The following PPCS variants were observed in gnomAD, a reference collection of about 807,000 sequenced individuals.
The protein encoded by PPCS is phosphopantothenate--cysteine ligase.
A neutral mutation model predicts 24.6 loss-of-function variants in PPCS; 17 were observed. The observed-to-expected ratio is 0.69, with a 90% confidence interval of 0.47 to 1.04. The LOEUF is 1.04. Among genes scored for constraint, PPCS ranks in the 50% least tolerant of loss-of-function variants. The pLI is 0.00. For missense variants in PPCS, 360 were observed against 402.8 expected, an observed-to-expected ratio of 0.89 and a Z score of 0.91; for synonymous variants, 190 against 168.3, an observed-to-expected ratio of 1.13 and a Z score of -1.00.
chr1:42,471,566 T>C (rs1223467320), intron 2 of PPCS, among the ~76,000 whole-genome samples: 3 of 152,214 alleles, frequency 2.0e-5, no homozygotes, highest in African/African-American at 7.2e-5. Context: ...GGATGCTATG[T>C]ATTCTTAGTA....
chr1:42,467,501 T>G (rs978476113), intron 2 of PPCS, among the ~76,000 whole-genome samples: 2 of 152,208 alleles, frequency 1.3e-5, no homozygotes, highest in Non-Finnish European at 2.9e-5. Flanking sequence ...CCTGGGTTTC[T>G]GGCTTGGGAA....
At position 42,460,714 on chromosome 1, in the gene PPCS, C is replaced by G. The variant is rs1643387816; in HGVS notation, c.*788C>G. ...AAGTCAACTTAGCCAGCTGTGCCAC[C>G]TATTAGCTTTATAAACTTAGGCATT... On this transcript the variant is annotated 3_prime_UTR_variant, in exon 3 of 3. Coordinates refer to ENST00000372561, the MANE Select transcript of PPCS (RefSeq NM_024664.4). Among the ~76,000 whole-genome samples the G allele has an allele frequency of 6.6e-6, 1 of 152,194 alleles. No individual in the cohort carries two copies. Among genetic ancestry groups the G allele is most frequent in the Admixed American group, 6.5e-5 (1 of 15,278 alleles).
chr1:42,467,189 A>G (rs1643617950), intron 2 of PPCS, among the ~76,000 whole-genome samples: 1 of 152,242 alleles, frequency 6.6e-6, no homozygotes, highest in Non-Finnish European at 1.5e-5. Flanking sequence ...TCTGGTCCCA[A>G]GCTAAAGGGT....
At chr1:42,465,427 C>T (rs550226247), downstream of PPCS, among the ~76,000 whole-genome samples, 15 of 152,252 alleles carry the variant, frequency 9.9e-5, no homozygotes, top group Non-Finnish European at 1.6e-4. Context: ...TGCAATGGCG[C>T]GATCTTGGCC....
intron 2 of PPCS, among the ~76,000 whole-genome samples, chr1:42,466,325 C>G (rs1643580755): frequency 6.6e-6 from 1 of 152,108 alleles, no homozygotes; most frequent in East Asian, 1.9e-4. Flanking sequence ...GAGTACCTAC[C>G]AGGAGAAAAA....
rs1173618963 is a variant in PPCS, at chr1:42,460,625, G to T, written c.*699G>T. Among the ~76,000 whole-genome samples the T allele has an allele frequency of 6.6e-6, 1 of 152,164 alleles. No homozygotes were observed. The highest frequency in any genetic ancestry group is 1.5e-5 in the Non-Finnish European group (1 of 68,036). On this transcript the variant is annotated 3_prime_UTR_variant, in exon 3 of 3. Coordinates refer to ENST00000372561, the MANE Select transcript of PPCS (RefSeq NM_024664.4). Reference sequence around the variant, plus strand: ...AATATGTCCTTCCACCTGGGACCAGGCAGGGGCCACTTGGTGATCTCTGTC... The same window carrying T: ...AATATGTCCTTCCACCTGGGACCAGTCAGGGGCCACTTGGTGATCTCTGTC...
rs1322201831 is a variant in PPCS at position 42,457,360 on chromosome 1, G to C, written c.612+10G>C. On this transcript the variant is annotated intron_variant, in intron 2 of 2. Coordinates refer to ENST00000372561, the MANE Select transcript of PPCS (RefSeq NM_024664.4). ...TGGGGGCCCACTGCAGGTGATGGGCGCTTCTCTTCCAGAGATCTAATCCCA... is the reference window on the plus strand; with the variant it reads ...TGGGGGCCCACTGCAGGTGATGGGCCCTTCTCTTCCAGAGATCTAATCCCA... 11 of 1,605,928 alleles carry C rather than the reference G, an allele frequency of 6.8e-6. No homozygotes were observed. The highest frequency in any genetic ancestry group is 9.4e-6 in the Non-Finnish European group (11 of 1,172,720).
chr1:42,472,355 A>C (rs76351992), intron 2 of PPCS, among the ~76,000 whole-genome samples: 1 of 152,228 alleles, frequency 6.6e-6, no homozygotes, highest in Non-Finnish European at 1.5e-5. Context: ...CTGTTATGTC[A>C]TGATTACTTG....
downstream of PPCS, among the ~76,000 whole-genome samples, chr1:42,461,781 G>A (rs544260350): frequency 4.2e-4 from 64 of 152,086 alleles, 1 homozygote; most frequent in African/African-American, 1.5e-3. Flanking sequence ...TCCTGACCTC[G>A]TGATCTGCCC....
chr1:42,456,915 GC>G lies in PPCS; in HGVS notation c.352del (p.Leu118TrpfsTer15). ...GGCCCAGCCCTTTCGGGCTTGCTGA[GC>G]CTGGAGGCCGAGGAGAATGCACTTC... Reference protein sequence around the residue: ...PSGPALSGLLSLEAEENALPG... With the variant: ...PSGPALSGLLXLEAEENALPG... On this transcript the variant is annotated frameshift_variant, in exon 1 of 3. Coordinates refer to ENST00000372561, the MANE Select transcript of PPCS (RefSeq NM_024664.4). LOFTEE classifies it high-confidence loss of function. The G allele has an allele frequency of 6.2e-7, 1 of 1,610,594 alleles. No homozygotes were observed. The highest frequency in any genetic ancestry group is 8.5e-7 in the Non-Finnish European group (1 of 1,180,014).
In PPCS at chr1:42,456,640, C is replaced by T. The variant is rs1557775072; in HGVS notation, c.75C>T (p.Arg25=). The change falls in exon 1 of 3, where the codon CGC becomes CGT. Residue 25 remains arginine (R), a synonymous_variant. Coordinates refer to ENST00000372561, the MANE Select transcript of PPCS (RefSeq NM_024664.4). ...GAARWAEVMA[R]FAARLGAQGR... ...CGCGCTGGGCTGAGGTTATGGCTCGCTTCGCGGCCAGGCTGGGCGCGCAGG... is the reference window on the plus strand; with the variant it reads ...CGCGCTGGGCTGAGGTTATGGCTCGTTTCGCGGCCAGGCTGGGCGCGCAGG... 5.1e-6 allele frequency: 8 copies of T among 1,576,848 alleles called. No individual in the cohort carries two copies. The highest frequency in any genetic ancestry group is 6.9e-6 in the Non-Finnish European group (8 of 1,165,226).
chr1:42,462,299 T>C (rs1262629103), downstream of PPCS, among the ~76,000 whole-genome samples: 2 of 152,116 alleles, frequency 1.3e-5, no homozygotes, highest in African/African-American at 4.8e-5. Flanking sequence ...TGAGGGTAAC[T>C]AAGAACCTGA....
intron 2 of PPCS, among the ~76,000 whole-genome samples, chr1:42,471,453 C>G (rs1643768681): frequency 6.6e-6 from 1 of 152,156 alleles, no homozygotes; most frequent in African/African-American, 2.4e-5. Context: ...CTTTGTGTGT[C>G]TGGTGTTTAC....
At chr1:42,456,456 G>A (rs1643183025), upstream of PPCS, 3 of 1,155,406 alleles carry the variant, frequency 2.6e-6, no homozygotes, top group Non-Finnish European at 3.5e-6. Flanking sequence ...GTCAAAAGAA[G>A]GGTAGTGAAC....
chr1:42,466,023 A>G (rs1199378391), downstream of PPCS, among the ~76,000 whole-genome samples: 2 of 152,202 alleles, frequency 1.3e-5, no homozygotes, highest in East Asian at 3.8e-4. Context: ...TCAACTTTTG[A>G]AAAAAGTATA....
At position 42,460,168 on chromosome 1, in the gene PPCS, A is replaced by T; in HGVS notation, c.*242A>T. On this transcript the variant is annotated 3_prime_UTR_variant, in exon 3 of 3. Coordinates refer to ENST00000372561, the MANE Select transcript of PPCS (RefSeq NM_024664.4). The stretch of plus-strand genomic sequence containing the variant: ...TAAAAAGAAGAGCTTATTGGGAATT[A>T]TATATTCCTTAAAATATACATGGGG... The T allele has an allele frequency of 8.2e-7, 1 of 1,220,958 alleles. No individual in the cohort carries two copies. Among genetic ancestry groups the T allele is most frequent in the Non-Finnish European group, 1.0e-6 (1 of 978,436 alleles). The allele number at this position is 1,220,958 out of a possible 1,614,324, so 75.6% of individuals were successfully genotyped here. A position where few individuals can be genotyped will look rare whatever the true frequency, so the allele number is the denominator to read the frequency against.
At chr1:42,471,813 A>G (rs1247972776) in intron 2 of PPCS, among the ~76,000 whole-genome samples, 2 of 152,214 alleles carry the variant, frequency 1.3e-5, no homozygotes, top group Non-Finnish European at 2.9e-5. Context: ...TCATCTATAA[A>G]TACTGTTGAT....
downstream of PPCS, among the ~76,000 whole-genome samples, chr1:42,461,983 T>C (rs1643424424): frequency 6.6e-6 from 1 of 152,230 alleles, no homozygotes; most frequent in Admixed American, 6.5e-5. Flanking sequence ...CATAGCTTTA[T>C]GTGGATGATG....
Position 42,456,814 on chromosome 1 carries a change from G to T in PPCS, c.249G>T (p.Leu83Phe). The T allele has an allele frequency of 6.2e-7, 1 of 1,613,440 alleles. No individual in the cohort carries two copies. Among genetic ancestry groups the T allele is most frequent in the Non-Finnish European group, 8.5e-7 (1 of 1,180,044 alleles). ...CCGCCGGCTACGGGGTCCTGTTCTT[G>T]TATCGCGCTCGCTCTGCCTTCCCCT... Reference protein sequence around the residue: ...FLAAGYGVLFLYRARSAFPYA... With the variant: ...FLAAGYGVLFFYRARSAFPYA... Residue 83 changes from leucine to phenylalanine, a missense_variant, in exon 1 of 3, where the codon TTG (leucine) becomes TTT (phenylalanine). Leu to Phe is a conservative substitution (Grantham distance 22). Transcript: ENST00000372561.
Sources: allele counts gnomAD v4.1 joint callset (sites outside exome capture counted in the v4.1 genomes callset), GRCh38; gene constraint gnomAD v4.1.1; transcripts MANE v1.5; gene names NCBI Gene and HGNC (gene_info 2026-07-23, HGNC 2026-07-21).